The following SLC2A9 variants were observed in gnomAD, a reference collection of about 807,000 sequenced individuals.
SLC2A9 encodes the protein solute carrier family 2 member 9, also known as solute carrier family 2, facilitated glucose transporter member 9.
SLC2A9 carries 39 observed loss-of-function variants against 50.6 expected under a neutral mutation model. The observed-to-expected ratio is 0.77, with a 90% confidence interval of 0.60 to 1.01. The LOEUF is 1.01. SLC2A9 is among the 50% of genes least tolerant of loss of function. SLC2A9 has a pLI of 0.00. For missense variants in SLC2A9, 686 were observed against 677.6 expected (o/e 1.01, Z -0.14); for synonymous variants, 324 against 276.9 (o/e 1.17, Z -1.69).
intron 10 of SLC2A9, among the ~76,000 whole-genome samples, chr4:9,875,372 A>T (rs1054118555): frequency 6.6e-6 from 1 of 152,112 alleles, no homozygotes; most frequent in African/African-American, 2.4e-5. Flanking sequence ...AGAAATGGCC[A>T]TAGGTTAGCG....
intron 10 of SLC2A9, among the ~76,000 whole-genome samples, chr4:9,871,470 T>A (rs1378063168): frequency 6.6e-6 from 1 of 152,202 alleles, no homozygotes; most frequent in Non-Finnish European, 1.5e-5. Context: ...CTTCTGGTGC[T>A]GCTGGCAATC....
intron 3 of SLC2A9, among the ~76,000 whole-genome samples, chr4:9,807,711 G>A (rs1722311302): frequency 6.6e-6 from 1 of 152,242 alleles, no homozygotes; most frequent in East Asian, 1.9e-4. Flanking sequence ...GTTACCCCAT[G>A]TGGACCTTAG....
At position 9,784,555 on chromosome 4, in the gene SLC2A9, C is replaced by T. The variant is rs372694375; in HGVS notation, n.386-4490G>A. Among the ~76,000 whole-genome samples, 10 of 152,096 alleles carry T rather than the reference C, an allele frequency of 6.6e-5. No individual in the cohort carries two copies. In the East Asian group the frequency reaches 1.3e-3, roughly 20 times the overall value. Reference sequence around the variant, plus strand: ...GTGGACAATAGCAAATAGGGAAATGCTTTTTAAGTAAAATGTAGAAGCCAG... The same window carrying T: ...GTGGACAATAGCAAATAGGGAAATGTTTTTTAAGTAAAATGTAGAAGCCAG... On this transcript the variant is annotated intron_variant and non_coding_transcript_variant, in intron 3 of 3. Coordinates refer to the SLC2A9 transcript ENST00000503803.
chr4:9,945,136 C>T (rs1190190609), intron 5 of SLC2A9, among the ~76,000 whole-genome samples: 2 of 152,242 alleles, frequency 1.3e-5, no homozygotes, highest in South Asian at 2.1e-4. Flanking sequence ...TGAGCAGGGG[C>T]TTGCAGCCAG....
intron 5 of SLC2A9, among the ~76,000 whole-genome samples, chr4:9,978,082 G>A (rs77984469): frequency 6.6e-6 from 1 of 152,214 alleles, no homozygotes; most frequent in African/African-American, 2.4e-5. Flanking sequence ...ATTTGCCAGC[G>A]ATGTTTTCCC....
intron 5 of SLC2A9, among the ~76,000 whole-genome samples, chr4:9,957,449 C>T (rs1751502650): frequency 6.6e-6 from 1 of 152,108 alleles, no homozygotes; most frequent in African/African-American, 2.4e-5. Flanking sequence ...AATGGGAGAA[C>T]CACACTTTTG....
intron 10 of SLC2A9, among the ~76,000 whole-genome samples, chr4:9,871,722 A>G (rs1236000536): frequency 6.6e-6 from 1 of 152,222 alleles, no homozygotes; most frequent in East Asian, 1.9e-4. Flanking sequence ...TTTGGGGGAT[A>G]CTACTCAACC....
chr4:9,932,608 G>A (rs1340618225), intron 6 of SLC2A9, among the ~76,000 whole-genome samples: 2 of 152,238 alleles, frequency 1.3e-5, no homozygotes, highest in Non-Finnish European at 2.9e-5. Flanking sequence ...AAGGAAGTGA[G>A]GGAGGTGTGG....
downstream of SLC2A9, among the ~76,000 whole-genome samples, chr4:9,796,472 T>C (rs866067773): frequency 6.6e-6 from 1 of 152,210 alleles, no homozygotes; most frequent in South Asian, 2.1e-4. Context: ...GAGATATTTA[T>C]CATGCCTCCT....
rs1163786274 is a variant in SLC2A9, at chr4:9,931,913, A to ACTCTCT, written c.814+9994_814+9999dup. On this transcript the variant is annotated intron_variant, in intron 6 of 11. Coordinates refer to ENST00000264784, the MANE Select transcript of SLC2A9 (RefSeq NM_020041.3). ...TGCAGGGAGACCTGAAATGAGAATG[A>ACTCTCT]CTCTCTCTCTCTCTCTCTCTCTCTC... is the stretch of plus-strand genomic sequence containing the variant. Among the ~76,000 whole-genome samples, 96 of 15,658 alleles carry ACTCTCT rather than the reference A, an allele frequency of 6.1e-3. 5 individuals are homozygous for ACTCTCT. The highest frequency in any genetic ancestry group is 0.056 in the Middle Eastern group (1 of 18). 10.3% of individuals were successfully genotyped at this position (15,658 alleles called of 152,430 possible). A position where few individuals can be genotyped will look rare whatever the true frequency, so the allele number is the denominator to read the frequency against.
chr4:10,031,506 TC>T (rs1763940026), intron 1 of SLC2A9, among the ~76,000 whole-genome samples: 1 of 152,270 alleles, frequency 6.6e-6, no homozygotes, highest in Non-Finnish European at 1.5e-5. Flanking sequence ...GCCTCTCTGC[TC>T]CTGGGCAGCC....
chr4:10,026,273 A>C (rs553663793), upstream of SLC2A9, among the ~76,000 whole-genome samples: 70 of 152,184 alleles, frequency 4.6e-4, no homozygotes, highest in Admixed American at 4.6e-3. Flanking sequence ...CTGCATCATC[A>C]ATTTATCTCT....
At chr4:9,938,725 G>T (rs1178932423) in intron 6 of SLC2A9, among the ~76,000 whole-genome samples, 1 of 152,132 alleles carries the variant, frequency 6.6e-6, no homozygotes, top group Non-Finnish European at 1.5e-5. Context: ...ACTATCTGTG[G>T]TATCTTAGGC....
downstream of SLC2A9, among the ~76,000 whole-genome samples, chr4:9,775,037 G>T (rs181889899): frequency 1.6e-4 from 25 of 152,264 alleles, no homozygotes; most frequent in East Asian, 4.6e-3. Context: ...GGACCACTGA[G>T]GCCAGAGAAT....
intron 10 of SLC2A9, among the ~76,000 whole-genome samples, chr4:9,855,371 A>G (rs568014683): frequency 6.6e-6 from 1 of 152,160 alleles, no homozygotes; most frequent in South Asian, 2.1e-4. Flanking sequence ...TAACCACACA[A>G]GCATACAAAA....
intron 3 of SLC2A9, among the ~76,000 whole-genome samples, chr4:9,801,299 C>T (rs781021081): frequency 7.9e-5 from 12 of 152,124 alleles, no homozygotes; most frequent in Non-Finnish European, 1.5e-4. Flanking sequence ...CTAGTTCAGC[C>T]CAGAAGACCC....
At chr4:9,788,180 G>T (rs546572695) in intron 3 of SLC2A9, among the ~76,000 whole-genome samples, 22 of 151,964 alleles carry the variant, frequency 1.4e-4, no homozygotes, top group Admixed American at 2.6e-4. Context: ...TAGAATCTTG[G>T]TTTTTTAGTT....
At chr4:9,902,895 A>C (rs980784674) in intron 8 of SLC2A9, among the ~76,000 whole-genome samples, 5 of 152,234 alleles carry the variant, frequency 3.3e-5, no homozygotes, top group Admixed American at 2.0e-4. Flanking sequence ...AATTCAACCC[A>C]TAACAATAGT....
intron 7 of SLC2A9, among the ~76,000 whole-genome samples, chr4:9,913,674 T>C (rs1307509037): frequency 6.6e-6 from 1 of 152,164 alleles, no homozygotes; most frequent in Non-Finnish European, 1.5e-5. Context: ...GCTCTTTCTG[T>C]ATCTGCCTCC....
Sources: gnomAD v4.1 joint callset for allele counts (sites outside exome capture counted in the v4.1 genomes callset) on GRCh38, gnomAD v4.1.1 for gene constraint, MANE v1.5 for transcripts, NCBI Gene and HGNC (gene_info 2026-07-23, HGNC 2026-07-21) for gene names.